The following HAAO variants were observed in gnomAD, a reference collection of about 807,000 sequenced individuals.
HAAO encodes 3-hydroxyanthranilate 3,4-dioxygenase.
A neutral mutation model predicts 46.2 loss-of-function variants in HAAO; 49 were observed. That is an observed-to-expected ratio of 1.06 (90% CI 0.84 to 1.34). The LOEUF is 1.34. HAAO is among the 40% of genes most tolerant of loss of function. HAAO has a pLI of 0.00. For missense variants in HAAO, 408 were observed against 364.5 expected, an observed-to-expected ratio of 1.12 and a Z score of -0.97; for synonymous variants, 157 against 145.2, an observed-to-expected ratio of 1.08 and a Z score of -0.58.
At chr2:42,786,009 C>CTCTGTGTGTG (rs1372722035) in intron 2 of HAAO, among the ~76,000 whole-genome samples, 7 of 106,090 alleles carry the variant, frequency 6.6e-5, no homozygotes, top group Non-Finnish European at 1.1e-4. Flanking sequence ...GAGGAAGCCT[C>CTCTGTGTGTG]TGTGTGTGTG....
chr2:42,767,623 C>A lies in HAAO; in HGVS notation c.754G>T (p.Asp252Tyr), dbSNP rs747520560. Residue 252 changes from aspartate (D) to tyrosine (Y), a missense_variant, in exon 9 of 10, where the codon GAC (aspartate) becomes TAC (tyrosine). Coordinates refer to ENST00000294973, the MANE Select transcript of HAAO (RefSeq NM_012205.3). ...GGRRLSLAPD[D>Y]SLLVLAGTSY... The stretch of plus-strand genomic sequence containing the variant: ...GTCCCAGCTAGCACCAGGAGGCTGT[C>A]ATCAGGGGCCAGGCTCAGGCGCCGT... The A allele has an allele frequency of 4.4e-6, 7 of 1,573,180 alleles. No individual in the cohort carries two copies. The highest frequency in any genetic ancestry group is 1.2e-5 in the South Asian group (1 of 86,422).
At chr2:42,769,299 C>G (rs570749361) in intron 7 of HAAO, among the ~76,000 whole-genome samples, 1 of 152,328 alleles carries the variant, frequency 6.6e-6, no homozygotes, top group Admixed American at 6.5e-5. Context: ...ATCCCTCTCT[C>G]CACCCAACCC....
chr2:42,770,519 G>A lies in HAAO; in HGVS notation c.414C>T (p.Gly138=). 1 of 1,552,752 alleles carries A rather than the reference G, an allele frequency of 6.4e-7. No individual in the cohort carries two copies. The highest frequency in any genetic ancestry group is 8.7e-7 in the Non-Finnish European group (1 of 1,147,512). The change falls in exon 5 of 10, where the codon GGC becomes GGT. Residue 138 remains glycine (G), a synonymous_variant. Transcript: ENST00000294973. The stretch of plus-strand genomic sequence containing the variant: ...CCTGGATGATGGGGGCCAACTGCGT[G>A]CCGAGGTCCTTGCAGTAGAACCACT... ...FEKWFYCKDL[G]TQLAPIIQEF... is the part of the protein sequence containing the mutation.
chr2:42,780,690 A>T (rs1036515112), intron 4 of HAAO, among the ~76,000 whole-genome samples: 1 of 152,050 alleles, frequency 6.6e-6, no homozygotes. Context: ...TTTTGCTTTA[A>T]ATGTTGCTGA....
chr2:42,769,280 C>T (rs1291834507), intron 7 of HAAO, among the ~76,000 whole-genome samples: 1 of 152,192 alleles, frequency 6.6e-6, no homozygotes, highest in South Asian at 2.1e-4. Context: ...GAAAGTCAGC[C>T]TTGTTTGAAT....
At chr2:42,785,039 C>A (rs1253418228) in intron 2 of HAAO, among the ~76,000 whole-genome samples, 1 of 152,214 alleles carries the variant, frequency 6.6e-6, no homozygotes, top group East Asian at 1.9e-4. Flanking sequence ...GTTTTCAATG[C>A]AGTGCATAGT....
At chr2:42,775,616 T>G (rs1405828549) in intron 4 of HAAO, among the ~76,000 whole-genome samples, 1 of 152,112 alleles carries the variant, frequency 6.6e-6, no homozygotes, top group Non-Finnish European at 1.5e-5. Flanking sequence ...AGCAAAAGTT[T>G]TTTTCTTCTC....
chr2:42,792,442 G>A lies in HAAO; in HGVS notation c.80+15C>T, dbSNP rs755909171. On this transcript the variant is annotated intron_variant, in intron 1 of 9. Coordinates refer to ENST00000294973, the MANE Select transcript of HAAO (RefSeq NM_012205.3). ...AGGCGAGGGCAGGGGGCGGCCATGG[G>A]GGTGCTGGACTCACATGAGCTTGTT... The A allele has an allele frequency of 2.0e-6, 3 of 1,526,142 alleles. No homozygotes were observed. The highest frequency in any genetic ancestry group is 2.7e-6 in the Non-Finnish European group (3 of 1,123,870). The allele number at this position is 1,526,142 out of a possible 1,614,324, so 94.5% of individuals were successfully genotyped here.
intron 4 of HAAO, 182 bp downstream of exon 4, chr2:42,783,132 C>T (rs937438964): frequency 1.3e-5 from 8 of 594,486 alleles, no homozygotes; most frequent in Middle Eastern, 3.9e-4. Flanking sequence ...CCCCACTCTA[C>T]CCCTCCACCA....
chr2:42,788,409 G>T, intron 2 of HAAO, 120 bp downstream of exon 2: 1 of 733,294 alleles, frequency 1.4e-6, no homozygotes, highest in Non-Finnish European at 2.5e-6. Flanking sequence ...CCACTCATCA[G>T]CCACATGTCC....
At chr2:42,783,235 A>T in intron 4 of HAAO, 79 bp downstream of exon 4, 2 of 838,228 alleles carry the variant, frequency 2.4e-6, no homozygotes, top group Admixed American at 2.0e-5. Flanking sequence ...TCTATCTAGG[A>T]TCCCTTCAGC....
intron 2 of HAAO, among the ~76,000 whole-genome samples, chr2:42,787,219 A>ACT (rs1332033234): frequency 6.6e-6 from 1 of 152,036 alleles, no homozygotes; most frequent in Non-Finnish European, 1.5e-5. Flanking sequence ...CTCAGGGGAC[A>ACT]CTCAGGCACC....
intron 1 of HAAO, chr2:42,789,140 G>A (rs1163761997): frequency 5.9e-6 from 1 of 170,366 alleles, no homozygotes; most frequent in Non-Finnish European, 1.3e-5. Context: ...TATAAGCACA[G>A]GCCCTGGGGC....
At chr2:42,789,831 C>T (rs942550844) in intron 1 of HAAO, among the ~76,000 whole-genome samples, 2 of 152,226 alleles carry the variant, frequency 1.3e-5, no homozygotes, top group African/African-American at 4.8e-5. Context: ...CTGAGAACAG[C>T]CTGCCCCATC....
At chr2:42,790,213 AGGCTG>A (rs1375952180) in intron 1 of HAAO, among the ~76,000 whole-genome samples, 1 of 152,104 alleles carries the variant, frequency 6.6e-6, no homozygotes, top group African/African-American at 2.4e-5. Context: ...CCCTTTTGGG[AGGCTG>A]GGCCCAATAA....
intron 1 of HAAO, among the ~76,000 whole-genome samples, chr2:42,792,186 A>G (rs1672854792): frequency 6.6e-6 from 1 of 152,120 alleles, no homozygotes; most frequent in Non-Finnish European, 1.5e-5. Flanking sequence ...CAGCCCTGGA[A>G]GGAGAGGTGC....
intron 4 of HAAO, among the ~76,000 whole-genome samples, chr2:42,771,328 C>T (rs1371262390): frequency 2.0e-5 from 3 of 151,546 alleles, no homozygotes; most frequent in Non-Finnish European, 2.9e-5. Context: ...CTTGGGAGGC[C>T]GAGGCAGGAG....
chr2:42,789,567 T>TTAAA lies in HAAO; in HGVS notation c.81-964_81-961dup, dbSNP rs5830738. Among the ~76,000 whole-genome samples, 9 of 150,292 alleles carry TTAAA rather than the reference T, an allele frequency of 6.0e-5. No individual in the cohort carries two copies. The East Asian group carries it at 7.9e-4, about 13-fold the overall frequency. On this transcript the variant is annotated intron_variant, in intron 1 of 9. Transcript: ENST00000294973. ...CTGGGTAACAGGGGGAGACTCTGTCTTAAATAAATAAATAAATAAATAAAC... is the reference window on the plus strand; with the variant it reads ...CTGGGTAACAGGGGGAGACTCTGTCTTAAATAAATAAATAAATAAATAAATAAAC...
intron 4 of HAAO, among the ~76,000 whole-genome samples, chr2:42,781,125 C>T (rs557840301): frequency 2.6e-5 from 4 of 152,164 alleles, no homozygotes; most frequent in South Asian, 2.1e-4. Context: ...AAATTTGGAG[C>T]ATATTTTTTT....
Sources: allele counts gnomAD v4.1 joint callset (sites outside exome capture counted in the v4.1 genomes callset), GRCh38; gene constraint gnomAD v4.1.1; transcripts MANE v1.5; gene names NCBI Gene and HGNC (gene_info 2026-07-23, HGNC 2026-07-21).